The following OR10R2 variants were observed in gnomAD, a reference collection of about 807,000 sequenced individuals.
OR10R2 encodes olfactory receptor family 10 subfamily R member 2.
In OR10R2, 1 loss-of-function variant was observed where a neutral mutation model predicts 2.4. The observed-to-expected ratio is 0.41, with a 90% CI of 0.15 to 1.95. The LOEUF (loss-of-function observed/expected upper bound fraction) is 1.95, where lower values mean the gene tolerates loss of function less well. Among genes scored for constraint, OR10R2 ranks in the 30% most tolerant of loss-of-function variants. OR10R2 has a pLI of 0.30. For synonymous variants in OR10R2, 166 were observed against 144.8 expected, an observed-to-expected ratio of 1.15 and a Z score of -1.05; for missense variants, 419 against 373.0, an observed-to-expected ratio of 1.12 and a Z score of -1.01.
chr1:158,476,784 G>A (rs1656280278), intron 1 of OR10R2, among the ~76,000 whole-genome samples: 1 of 152,102 alleles, frequency 6.6e-6, no homozygotes, highest in Non-Finnish European at 1.5e-5. Flanking sequence ...TGACTGGTGT[G>A]AAATGGTATC....
At chr1:158,480,777 T>A (rs778616075) in exon 2 of OR10R2, 1 of 1,613,834 alleles carries the variant, frequency 6.2e-7, no homozygotes, top group African/African-American at 1.3e-5. Context: ...CATACACGAT[T>A]GTCACTCCAT....
intron 1 of OR10R2, among the ~76,000 whole-genome samples, chr1:158,476,798 T>C (rs1450037093): frequency 2.0e-5 from 3 of 152,108 alleles, no homozygotes; most frequent in Non-Finnish European, 4.4e-5. Flanking sequence ...TGGTATCTCA[T>C]TGTGGTTTCG....
exon 2 of OR10R2, chr1:158,480,400 G>A (rs145232246): frequency 1.2e-6 from 2 of 1,613,882 alleles, no homozygotes; most frequent in African/African-American, 2.7e-5. Context: ...TGGCTTCTTG[G>A]CCTCTCTTAC....
chr1:158,473,763 C>CCTTCCTT lies in OR10R2; in HGVS notation c.27+1413_27+1419dup, dbSNP rs1285498189. 5.0e-4 allele frequency among the ~76,000 whole-genome samples: 63 copies of CCTTCCTT among 125,788 alleles called. 3 individuals are homozygous for CCTTCCTT. The highest frequency in any genetic ancestry group is 3.9e-3 in the Middle Eastern group (1 of 254). 82.5% of individuals were successfully genotyped at this position (125,788 alleles called of 152,430 possible). A position where few individuals can be genotyped will look rare whatever the true frequency, so the allele number is the denominator to read the frequency against. ...CCTTTCCCTCCCTTTCTTTATCCTTCCTTCCTTCCTTCCTCCCTCCTTCCC... is the reference window on the plus strand; with the variant it reads ...CCTTTCCCTCCCTTTCTTTATCCTTCCTTCCTTCTTCCTTCCTTCCTCCCTCCTTCCC... On this transcript the variant is annotated intron_variant, in intron 1 of 1. Transcript: ENST00000641067.
chr1:158,473,976 T>G (rs188146292), intron 1 of OR10R2, among the ~76,000 whole-genome samples: 2 of 151,618 alleles, frequency 1.3e-5, no homozygotes, highest in East Asian at 3.9e-4. Context: ...TTTCTTTTCT[T>G]TCTTTTTTCT....
At chr1:158,473,834 T>C (rs1485621801) in intron 1 of OR10R2, among the ~76,000 whole-genome samples, 13 of 119,570 alleles carry the variant, frequency 1.1e-4, no homozygotes, top group African/African-American at 4.3e-4. Context: ...TCTTTCCCTC[T>C]CTGCTTCCTC....
chr1:158,477,146 T>C (rs867159147), intron 1 of OR10R2, among the ~76,000 whole-genome samples: 9 of 152,290 alleles, frequency 5.9e-5, no homozygotes, highest in South Asian at 2.1e-4. Context: ...CGTCCCTTCA[T>C]GATAAAAACC....
At chr1:158,475,433 G>A (rs1209000507) in intron 1 of OR10R2, among the ~76,000 whole-genome samples, 1 of 151,846 alleles carries the variant, frequency 6.6e-6, no homozygotes, top group Admixed American at 6.6e-5. Flanking sequence ...CACCACCACA[G>A]CTAATTTGAT....
chr1:158,472,323 A>C (rs1656181190), exon 1 of OR10R2: 3 of 398,928 alleles, frequency 7.5e-6, no homozygotes, highest in Non-Finnish European at 1.3e-5. Flanking sequence ...CAGAAGAGGC[A>C]CAATGACCAC....
chr1:158,480,458 T>G (rs148431806), exon 2 of OR10R2: 2 of 1,613,944 alleles, frequency 1.2e-6, no homozygotes, highest in East Asian at 2.2e-5. Flanking sequence ...GCCAACAAAG[T>G]CAATCATTAC....
chr1:158,480,129 C>A, exon 2 of OR10R2: 1 of 1,613,402 alleles, frequency 6.2e-7, no homozygotes, highest in Non-Finnish European at 8.5e-7. Context: ...TCTTCCTTGG[C>A]ATTCTCTCAA....
intron 1 of OR10R2, among the ~76,000 whole-genome samples, chr1:158,476,947 G>C (rs1223362748): frequency 6.6e-6 from 1 of 151,934 alleles, no homozygotes; most frequent in Non-Finnish European, 1.5e-5. Context: ...TGCTTGATTT[G>C]TTTAAGTTTC....
chr1:158,474,121 T>C (rs1571291787), intron 1 of OR10R2, among the ~76,000 whole-genome samples: 2 of 152,084 alleles, frequency 1.3e-5, no homozygotes, highest in East Asian at 1.9e-4. Context: ...TGGTAAAATG[T>C]AAATTTAAAT....
chr1:158,478,306 G>A (rs982089454), intron 1 of OR10R2, among the ~76,000 whole-genome samples: 8 of 152,058 alleles, frequency 5.3e-5, no homozygotes, highest in Admixed American at 1.3e-4. Context: ...ATTCATAAGT[G>A]GGAGCTAATT....
At chr1:158,474,275 C>T (rs1464031419) in intron 1 of OR10R2, among the ~76,000 whole-genome samples, 1 of 152,076 alleles carries the variant, frequency 6.6e-6, no homozygotes, top group African/African-American at 2.4e-5. Context: ...ATCTCTGCTG[C>T]CCAAATCACT....
chr1:158,480,153 C>T (rs757392837), exon 2 of OR10R2: 4 of 1,614,046 alleles, frequency 2.5e-6, no homozygotes, highest in Admixed American at 1.7e-5. Flanking sequence ...CTGAGACCTT[C>T]TACACCTTTG....
At chr1:158,477,155 C>A (rs1179288848) in intron 1 of OR10R2, among the ~76,000 whole-genome samples, 3 of 152,112 alleles carry the variant, frequency 2.0e-5, no homozygotes, top group Non-Finnish European at 4.4e-5. Context: ...ATGATAAAAA[C>A]CCTCAACAGA....
intron 1 of OR10R2, among the ~76,000 whole-genome samples, chr1:158,474,938 C>T (rs957659427): frequency 2.7e-5 from 4 of 149,906 alleles, no homozygotes; most frequent in Non-Finnish European, 5.9e-5. Context: ...AAGAGACCAG[C>T]AAAAAAAAAT....
At chr1:158,479,698 G>C (rs1656342642) in intron 1 of OR10R2, among the ~76,000 whole-genome samples, 1 of 152,072 alleles carries the variant, frequency 6.6e-6, no homozygotes. Flanking sequence ...GTAATCATAA[G>C]GGTTCTTAAA....
Sources: allele counts gnomAD v4.1 joint callset (sites outside exome capture counted in the v4.1 genomes callset), GRCh38; gene constraint gnomAD v4.1.1; transcripts MANE v1.5; gene names NCBI Gene and HGNC (gene_info 2026-07-23, HGNC 2026-07-21).